PTPN12: variants seen among roughly 807,000 people sequenced by gnomAD.
The protein encoded by PTPN12 is tyrosine-protein phosphatase non-receptor type 12.
PTPN12 carries 29 observed loss-of-function variants against 97.6 expected under a neutral mutation model. The observed-to-expected ratio is 0.30, with a 90% CI of 0.22 to 0.41. PTPN12 has a LOEUF of 0.41. PTPN12 is among the 10% of genes least tolerant of loss of function. The pLI is 1.00. For missense variants in PTPN12, 819 were observed against 926.0 expected, an observed-to-expected ratio of 0.88 and a Z score of 1.50; for synonymous variants, 327 against 300.4, an observed-to-expected ratio of 1.09 and a Z score of -0.91.
chr7:77,563,937 T>C (rs1808112323), intron 1 of PTPN12: 1 of 442,536 alleles, frequency 2.3e-6, no homozygotes, highest in Non-Finnish European at 4.5e-6. Context: ...TTTTTTGAGA[T>C]GGAGCTCTGT....
Position 77,627,235 on chromosome 7 carries a change from C to T in PTPN12, c.1556C>T (p.Thr519Ile), listed in dbSNP as rs752866839. The change falls in exon 13 of 18, where the codon ACA becomes ATA. Residue 519 changes from threonine to isoleucine, a missense_variant. Thr to Ile is a moderately conservative substitution (Grantham distance 89). This residue lies in a region of PTPN12 where 607 missense variants were observed against 577.3 expected (regional missense o/e 1.05). Transcript: ENST00000248594. Reference protein sequence around the residue: ...TPPEESQNSDTPPRPDRLPLD... With the variant: ...TPPEESQNSDIPPRPDRLPLD... ...CCAGAAGAATCCCAGAATTCAGACACACCTCCAAGGCCAGACCGCTTGCCT... is the reference window on the plus strand; with the variant it reads ...CCAGAAGAATCCCAGAATTCAGACATACCTCCAAGGCCAGACCGCTTGCCT... The T allele has an allele frequency of 1.9e-5, 30 of 1,613,982 alleles. No homozygotes were observed. Among genetic ancestry groups the T allele is most frequent in the Non-Finnish European group, 2.5e-5 (30 of 1,179,960 alleles).
chr7:77,628,370 A>G (rs1356827541), intron 13 of PTPN12, among the ~76,000 whole-genome samples: 4 of 152,134 alleles, frequency 2.6e-5, no homozygotes, highest in South Asian at 2.1e-4. Flanking sequence ...CTCCTCTTTG[A>G]TCTGCTGAAA....
chr7:77,543,882 A>G (rs1049520347), intron 1 of PTPN12, among the ~76,000 whole-genome samples: 14 of 152,166 alleles, frequency 9.2e-5, no homozygotes, highest in African/African-American at 3.4e-4. Context: ...ATTCTATTGT[A>G]TAGATACCAC....
chr7:77,617,467 CTAGTTGTT>C (rs1788791119), intron 11 of PTPN12, among the ~76,000 whole-genome samples: 1 of 152,098 alleles, frequency 6.6e-6, no homozygotes, highest in Admixed American at 6.5e-5. Flanking sequence ...GTTGAGATCT[CTAGTTGTT>C]TAGTTGGAAG....
intron 1 of PTPN12, among the ~76,000 whole-genome samples, chr7:77,557,817 C>T (rs1807790045): frequency 6.6e-6 from 1 of 152,294 alleles, no homozygotes; most frequent in South Asian, 2.1e-4. Context: ...AAATAATCAA[C>T]CTCTCCAATA....
chr7:77,539,097 G>T (rs1391945370), intron 1 of PTPN12, among the ~76,000 whole-genome samples: 4 of 152,168 alleles, frequency 2.6e-5, no homozygotes, highest in Admixed American at 2.0e-4. Context: ...TTTTATGGTG[G>T]AGGTGATATG....
chr7:77,619,047 A>G (rs1376066612), intron 12 of PTPN12, among the ~76,000 whole-genome samples: 1 of 152,096 alleles, frequency 6.6e-6, no homozygotes. Flanking sequence ...CTTCTTGTTC[A>G]GGGTAGCTGC....
intron 2 of PTPN12, among the ~76,000 whole-genome samples, chr7:77,574,555 CA>C (rs2151323214): frequency 6.6e-6 from 1 of 152,230 alleles, no homozygotes; most frequent in Admixed American, 6.5e-5. Context: ...TTGGTTGTCA[CA>C]ACTGGGGTAT....
chr7:77,611,692 G>C (rs757038166), intron 11 of PTPN12, among the ~76,000 whole-genome samples: 1 of 152,130 alleles, frequency 6.6e-6, no homozygotes, highest in African/African-American at 2.4e-5. Flanking sequence ...TGGTCTGCCC[G>C]CCTTGGCCTC....
chr7:77,542,172 T>C (rs554349849), intron 1 of PTPN12, among the ~76,000 whole-genome samples: 1 of 152,310 alleles, frequency 6.6e-6, no homozygotes, highest in Non-Finnish European at 1.5e-5. Flanking sequence ...ATGCTATACT[T>C]AGATTTTATT....
chr7:77,567,980 AT>A (rs1045136806), intron 1 of PTPN12, among the ~76,000 whole-genome samples: 3 of 152,280 alleles, frequency 2.0e-5, no homozygotes, highest in African/African-American at 7.2e-5. Flanking sequence ...TAAAGCTGAC[AT>A]TTTTTGGTGG....
chr7:77,582,084 C>CTATTTTTTTTT (rs1787534904), intron 3 of PTPN12, among the ~76,000 whole-genome samples: 1 of 52,846 alleles, frequency 1.9e-5, no homozygotes, highest in Non-Finnish European at 3.3e-5. Flanking sequence ...CAGTCAAGTT[C>CTATTTTTTTTT]TTTTTTTTTT....
chr7:77,585,700 G>T, intron 5 of PTPN12, 119 bp downstream of exon 5: 1 of 776,188 alleles, frequency 1.3e-6, no homozygotes, highest in Non-Finnish European at 2.0e-6. Context: ...TTGGGGTACT[G>T]CTGTTGCTTT....
Position 77,597,762 on chromosome 7 carries a change from G to C in PTPN12, c.493-80G>C, listed in dbSNP as rs1341324631. The C allele has an allele frequency of 2.0e-5, 30 of 1,477,250 alleles. No homozygotes were observed. In the East Asian group the frequency reaches 7.0e-4, roughly 35 times the overall value. The allele number at this position is 1,477,250 out of a possible 1,614,324, so 91.5% of individuals were successfully genotyped here. On this transcript the variant is annotated intron_variant, in intron 6 of 17. Coordinates refer to ENST00000248594, the MANE Select transcript of PTPN12 (RefSeq NM_002835.4). Reference sequence around the variant, plus strand: ...AGATTAATTTTATATTGTGGACTTTGATACAAGTATTTTATTTGTTTTGAT... The same window carrying C: ...AGATTAATTTTATATTGTGGACTTTCATACAAGTATTTTATTTGTTTTGAT...
chr7:77,605,017 T>TA (rs1392827111), intron 8 of PTPN12: 1 of 196,168 alleles, frequency 5.1e-6, no homozygotes, highest in East Asian at 1.6e-4. Flanking sequence ...ATCTTTATGT[T>TA]ATACTTTTAA....
intron 8 of PTPN12, chr7:77,604,809 T>TATA (rs1562742817): frequency 2.0e-4 from 73 of 365,750 alleles, no homozygotes; most frequent in African/African-American, 1.4e-3. Flanking sequence ...ATATATATAT[T>TATA]TTTATCCACC....
chr7:77,603,260 CT>C (rs1459840489), intron 8 of PTPN12, among the ~76,000 whole-genome samples: 1 of 152,108 alleles, frequency 6.6e-6, no homozygotes, highest in Non-Finnish European at 1.5e-5. Context: ...AAATAATTTC[CT>C]GTTCAATCAT....
chr7:77,626,813 T>C lies in PTPN12; in HGVS notation c.1134T>C (p.Thr378=). The C allele has an allele frequency of 6.2e-7, 1 of 1,614,022 alleles. No homozygotes were observed. The highest frequency in any genetic ancestry group is 8.5e-7 in the Non-Finnish European group (1 of 1,179,940). Residue 378 remains threonine (T), a synonymous_variant, in exon 13 of 18, where the codon ACT becomes ACC. Coordinates refer to ENST00000248594, the MANE Select transcript of PTPN12 (RefSeq NM_002835.4). The part of the protein sequence containing the change: ...PSPPSAFPTV[T]TVWQDNDRYH... ...CCCCTTCAGCTTTTCCAACAGTCAC[T>C]ACTGTGTGGCAGGACAATGATAGAT...
Position 77,573,093 on chromosome 7 carries a change from A to AC in PTPN12, c.208+1907_208+1908insC, listed in dbSNP as rs1490241855. Reference sequence around the variant, plus strand: ...GTAAGACTCTATCTCAAAAAAAAAAAAAACAAAAAAACAAAAAAAACCAGT... The same window carrying AC: ...GTAAGACTCTATCTCAAAAAAAAAAACAAACAAAAAAACAAAAAAAACCAGT... On this transcript the variant is annotated intron_variant, in intron 2 of 17. Transcript: ENST00000248594. Among the ~76,000 whole-genome samples, 4 of 46,664 alleles carry AC rather than the reference A, an allele frequency of 8.6e-5. No individual in the cohort carries two copies. In the East Asian group the frequency reaches 4.1e-3, roughly 48 times the overall value. 30.6% of individuals were successfully genotyped at this position (46,664 alleles called of 152,430 possible). A position where few individuals can be genotyped will look rare whatever the true frequency, so the allele number is the denominator to read the frequency against.
Sources: allele counts gnomAD v4.1 joint callset (sites outside exome capture counted in the v4.1 genomes callset), GRCh38; gene constraint gnomAD v4.1.1; regional missense constraint gnomAD v4.1.1; transcripts MANE v1.5; gene names NCBI Gene and HGNC (gene_info 2026-07-23, HGNC 2026-07-21).